Variants in ZNF579 observed in about 807,000 individuals in gnomAD.
ZNF579 encodes zinc finger protein 579.
A neutral mutation model predicts 5.7 loss-of-function variants in ZNF579; 3 were observed. That is an observed-to-expected ratio of 0.53 (90% CI 0.24 to 1.36). The LOEUF (loss-of-function observed/expected upper bound fraction) is 1.36, where lower values mean the gene tolerates loss of function less well. ZNF579 is among the 40% of genes most tolerant of loss of function. The pLI, the probability that ZNF579 is intolerant of heterozygous loss-of-function variation, is 0.16. For missense variants in ZNF579, 679 were observed against 877.6 expected (o/e 0.77, Z 2.86); for synonymous variants, 454 against 409.0 (o/e 1.11, Z -1.33).
At chr19:55,580,613 C>T (rs1334171982) in intron 1 of ZNF579, among the ~76,000 whole-genome samples, 182 bp downstream of exon 1, 1 of 150,064 alleles carries the variant, frequency 6.7e-6, no homozygotes, top group African/African-American at 2.5e-5. Flanking sequence ...GACCCCTGGA[C>T]TCGGGAGGGA....
chr19:55,577,709 C>T lies in ZNF579; in HGVS notation c.*242G>A, dbSNP rs1979423749. The T allele has an allele frequency of 1.4e-6, 1 of 705,816 alleles. No homozygotes were observed. The highest frequency in any genetic ancestry group is 2.2e-6 in the Non-Finnish European group (1 of 452,418). 43.7% of individuals were successfully genotyped at this position (705,816 alleles called of 1,614,324 possible). On this transcript the variant is annotated 3_prime_UTR_variant, in exon 2 of 2. Transcript: ENST00000325421. The stretch of plus-strand genomic sequence containing the variant: ...ATCCCTCTGGCCAACTGTCCGCCGC[C>T]TTTTTTTCCAAGTCGTCCTGCCTTA...
chr19:55,578,153 T>C lies in ZNF579; in HGVS notation c.1487A>G (p.Glu496Gly). Residue 496 changes from glutamate (E) to glycine (G), a missense_variant, in exon 2 of 2, where the codon GAG becomes GGG. Coordinates refer to ENST00000325421, the MANE Select transcript of ZNF579 (RefSeq NM_152600.3). ...GAGGGGCAGCGGGAGCCCTTCTTCC[T>C]CCTGCTCGGCCTTCAGGGGCGGCGG... is the stretch of plus-strand genomic sequence containing the variant. Reference protein sequence around the residue: ...PPPPPLKAEQEEEGLPLPLAN... With the variant: ...PPPPPLKAEQGEEGLPLPLAN... 3.9e-6 allele frequency: 6 copies of C among 1,523,124 alleles called. No homozygotes were observed. The highest frequency in any genetic ancestry group is 5.3e-6 in the Non-Finnish European group (6 of 1,134,298). 94.4% of individuals were successfully genotyped at this position (1,523,124 alleles called of 1,614,324 possible).
At position 55,579,574 on chromosome 19, in the gene ZNF579, A is replaced by G; in HGVS notation, c.66T>C (p.Arg22=). ...SPPHRGRGRG[R]GRGRGRGRGR... ...CACGGCCCCGACCACGGCCTCGGCC[A>G]CGGCCCCGGCCTCGGCCACGGTGAG... The change falls in exon 2 of 2, where the codon CGT becomes CGC. Residue 22 remains arginine, a synonymous_variant. Coordinates refer to ENST00000325421, the MANE Select transcript of ZNF579 (RefSeq NM_152600.3). 6.7e-7 allele frequency: 1 copy of G among 1,490,792 alleles called. No homozygotes were observed. Among genetic ancestry groups the G allele is most frequent in the South Asian group, 1.2e-5 (1 of 80,118 alleles). The allele number at this position is 1,490,792 out of a possible 1,614,324, so 92.3% of individuals were successfully genotyped here.
Position 55,578,485 on chromosome 19 carries a change from CCAGAA to C in ZNF579, c.1150_1154del (p.Phe384ValfsTer123). The C allele has an allele frequency of 7.0e-7, 1 of 1,432,536 alleles. No homozygotes were observed. The highest frequency in any genetic ancestry group is 9.1e-7 in the Non-Finnish European group (1 of 1,104,108). The allele number at this position is 1,432,536 out of a possible 1,614,324, so 88.7% of individuals were successfully genotyped here. A position where few individuals can be genotyped will look rare whatever the true frequency, so the allele number is the denominator to read the frequency against. The stretch of plus-strand genomic sequence containing the variant: ...TGAAACCTTTGCCGCACTCTGGGCA[CCAGAA>C]GCGGGGCTCCCCGGCGGGGGGCCGA... On this transcript the variant is annotated frameshift_variant, in exon 2 of 2. Transcript: ENST00000325421. LOFTEE classifies it low-confidence loss of function (END_TRUNC).
chr19:55,578,703 G>T lies in ZNF579; in HGVS notation c.937C>A (p.Leu313Ile). The change falls in exon 2 of 2, where the codon CTC becomes ATC. Residue 313 changes from leucine to isoleucine, a missense_variant. Leu to Ile is a conservative substitution (Grantham distance 5). Transcript: ENST00000325421. ...CGLAFRLASYLRQHRRVHGPL... is the reference protein window; with the variant it reads ...CGLAFRLASYIRQHRRVHGPL... ...CCGTGGACGCGGCGGTGCTGGCGGA[G>T]GTAGGAGGCGAGGCGGAAGGCCAGG... 1 of 1,582,412 alleles carries T rather than the reference G, an allele frequency of 6.3e-7. No individual in the cohort carries two copies. The highest frequency in any genetic ancestry group is 1.1e-5 in the South Asian group (1 of 87,724).
Position 55,579,033 on chromosome 19 carries a change from C to G in ZNF579, c.607G>C (p.Ala203Pro). 2.0e-6 allele frequency: 3 copies of G among 1,529,800 alleles called. No homozygotes were observed. Among genetic ancestry groups the G allele is most frequent in the Non-Finnish European group, 2.6e-6 (3 of 1,144,312 alleles). The allele number at this position is 1,529,800 out of a possible 1,614,324, so 94.8% of individuals were successfully genotyped here. A position where few individuals can be genotyped will look rare whatever the true frequency, so the allele number is the denominator to read the frequency against. Residue 203 changes from alanine to proline, a missense_variant, in exon 2 of 2, where the codon GCA (alanine) becomes CCA (proline). Around this residue, in one of 6 missense-constraint regions of ZNF579, gnomAD observed 209 missense variants for 223.4 expected, o/e 0.94. Coordinates refer to ENST00000325421, the MANE Select transcript of ZNF579 (RefSeq NM_152600.3). ...ESESEEAEAGAAELRAELALA... is the reference protein window; with the variant it reads ...ESESEEAEAGPAELRAELALA... ...GCCAGCTCGGCCCTCAGCTCTGCTG[C>G]CCCGGCCTCGGCCTCCTCCGACTCC...
Position 55,577,885 on chromosome 19 carries a change from AC to A in ZNF579, c.*65del. 1 of 1,537,570 alleles carries A rather than the reference AC, an allele frequency of 6.5e-7. No homozygotes were observed. The highest frequency in any genetic ancestry group is 1.2e-5 in the South Asian group (1 of 83,390). On this transcript the variant is annotated 3_prime_UTR_variant, in exon 2 of 2. Coordinates refer to ENST00000325421, the MANE Select transcript of ZNF579 (RefSeq NM_152600.3). Reference sequence around the variant, plus strand: ...GTAGACAGAGGAGGTGGCTCCTTCAACTTCCCTCCTCCATTCTGCAAACCGG... The same window carrying A: ...GTAGACAGAGGAGGTGGCTCCTTCAATTCCCTCCTCCATTCTGCAAACCGG...
At chr19:55,579,760 T>C in intron 1 of ZNF579, 119 bp from the exon 2 acceptor site, 1 of 1,141,816 alleles carries the variant, frequency 8.8e-7, no homozygotes, top group East Asian at 3.3e-5. Flanking sequence ...GTCAGGTATT[T>C]AGCCAGGAGA....
rs975556209 is a variant in ZNF579 at position 55,579,042 on chromosome 19, C to G, written c.598G>C (p.Glu200Gln). The change falls in exon 2 of 2, where the codon GAG becomes CAG. Residue 200 changes from glutamate to glutamine, a missense_variant. Physicochemically the swap from Glu to Gln is conservative, Grantham distance 29. Coordinates refer to ENST00000325421, the MANE Select transcript of ZNF579 (RefSeq NM_152600.3). Reference protein sequence around the residue: ...EPRESESEEAEAGAAELRAEL... With the variant: ...EPRESESEEAQAGAAELRAEL... ...GCCCTCAGCTCTGCTGCCCCGGCCT[C>G]GGCCTCCTCCGACTCCGACTCCCGG... 6.5e-7 allele frequency: 1 copy of G among 1,530,014 alleles called. No homozygotes were observed. The highest frequency in any genetic ancestry group is 1.4e-5 in the African/African-American group (1 of 71,828). The allele number at this position is 1,530,014 out of a possible 1,614,324, so 94.8% of individuals were successfully genotyped here.
At position 55,579,247 on chromosome 19, in the gene ZNF579, G is replaced by A; in HGVS notation, c.393C>T (p.Ala131=). The A allele has an allele frequency of 6.6e-7, 1 of 1,520,410 alleles. No homozygotes were observed. The highest frequency in any genetic ancestry group is 8.8e-7 in the Non-Finnish European group (1 of 1,139,474). 94.2% of individuals were successfully genotyped at this position (1,520,410 alleles called of 1,614,324 possible). A position where few individuals can be genotyped will look rare whatever the true frequency, so the allele number is the denominator to read the frequency against. The change falls in exon 2 of 2, where the codon GCC becomes GCT. Residue 131 remains alanine, a synonymous_variant. Transcript: ENST00000325421. ...QEHAGGEVEL[A]IERVAKETAE... ...CCGTCTCCTTGGCCACCCTCTCGAT[G>A]GCCAGCTCGACCTCGCCGCCCGCGT...
At position 55,578,095 on chromosome 19, in the gene ZNF579, C is replaced by T. The variant is rs1187150721; in HGVS notation, c.1545G>A (p.Gly515=). 1 of 1,567,392 alleles carries T rather than the reference C, an allele frequency of 6.4e-7. No individual in the cohort carries two copies. ...ANIKEEPPSP[G]TPPQSPPAPP... ...GAGCCGGCGGGGACTGGGGTGGGGT[C>T]CCCGGAGAGGGCGGCTCTTCCTTAA... Residue 515 remains glycine (G), a synonymous_variant, in exon 2 of 2, where the codon GGG becomes GGA. Coordinates refer to ENST00000325421, the MANE Select transcript of ZNF579 (RefSeq NM_152600.3).
Position 55,577,793 on chromosome 19 carries a change from TG to T in ZNF579, c.*157del, listed in dbSNP as rs1264155356. On this transcript the variant is annotated 3_prime_UTR_variant, in exon 2 of 2. Transcript: ENST00000325421. ...CATCAGGGGTTCTGGGGGCGGGCGATGGGGGAGGAAGGGGCAGTCCAGGGCC... is the reference window on the plus strand; with the variant it reads ...CATCAGGGGTTCTGGGGGCGGGCGATGGGGAGGAAGGGGCAGTCCAGGGCC... 5 of 1,333,726 alleles carry T rather than the reference TG, an allele frequency of 3.7e-6. No individual in the cohort carries two copies. The highest frequency in any genetic ancestry group is 4.9e-6 in the Non-Finnish European group (5 of 1,011,002). The allele number at this position is 1,333,726 out of a possible 1,614,324, so 82.6% of individuals were successfully genotyped here. A position where few individuals can be genotyped will look rare whatever the true frequency, so the allele number is the denominator to read the frequency against.
At position 55,579,550 on chromosome 19, in the gene ZNF579, A is replaced by C. The variant is rs1215600627; in HGVS notation, c.90T>G (p.Arg30=). 1 of 1,479,408 alleles carries C rather than the reference A, an allele frequency of 6.8e-7. No homozygotes were observed. Among genetic ancestry groups the C allele is most frequent in the Non-Finnish European group, 8.9e-7 (1 of 1,120,702 alleles). The allele number at this position is 1,479,408 out of a possible 1,614,324, so 91.6% of individuals were successfully genotyped here. The change falls in exon 2 of 2, where the codon CGT becomes CGG. Residue 30 remains arginine, a synonymous_variant. Transcript: ENST00000325421. ...CTCCAGCGCCCCCCCTGCCACGGCC[A>C]CGGCCCCGACCACGGCCTCGGCCAC... ...RGRGRGRGRG[R]GRGRGGAGAP...
At position 55,578,943 on chromosome 19, in the gene ZNF579, G is replaced by C. The variant is rs748318669; in HGVS notation, c.697C>G (p.Leu233Val). The part of the protein sequence containing the change: ...LLQADWTLLC[L>V]RCREAFATKG... ...GTGGCGAAGGCTTCGCGGCAGCGCA[G>C]ACACAGCAGCGTCCAGTCTGCCTGG... is the stretch of plus-strand genomic sequence containing the variant. Residue 233 changes from leucine to valine, a missense_variant, in exon 2 of 2, where the codon CTG (leucine) becomes GTG (valine). Transcript: ENST00000325421. The C allele has an allele frequency of 1.3e-6, 2 of 1,561,186 alleles. No individual in the cohort carries two copies. The highest frequency in any genetic ancestry group is 1.7e-6 in the Non-Finnish European group (2 of 1,156,720).
At position 55,578,678 on chromosome 19, in the gene ZNF579, C is replaced by G; in HGVS notation, c.962G>C (p.Gly321Ala). The change falls in exon 2 of 2, where the codon GGC becomes GCC. Residue 321 changes from glycine (G) to alanine (A), a missense_variant. This residue lies in a region of ZNF579 where 38 missense variants were observed against 70.3 expected (regional missense o/e 0.54). Transcript: ENST00000325421. Reference protein sequence around the residue: ...SYLRQHRRVHGPLSLLAPLPA... With the variant: ...SYLRQHRRVHAPLSLLAPLPA... Reference sequence around the variant, plus strand: ...CAGCGGGGCCAGCAGGCTGAGGGGGCCGTGGACGCGGCGGTGCTGGCGGAG... The same window carrying G: ...CAGCGGGGCCAGCAGGCTGAGGGGGGCGTGGACGCGGCGGTGCTGGCGGAG... 1 of 1,552,060 alleles carries G rather than the reference C, an allele frequency of 6.4e-7. No homozygotes were observed. Among genetic ancestry groups the G allele is most frequent in the Non-Finnish European group, 8.6e-7 (1 of 1,157,442 alleles).
In ZNF579 at chr19:55,578,994, G is replaced by T. The variant is rs761281747; in HGVS notation, c.646C>A (p.Arg216=). The T allele has an allele frequency of 3.6e-5, 55 of 1,532,666 alleles. No homozygotes were observed. The highest frequency in any genetic ancestry group is 4.5e-5 in the Non-Finnish European group (51 of 1,145,252). 94.9% of individuals were successfully genotyped at this position (1,532,666 alleles called of 1,614,324 possible). Residue 216 remains arginine (R), a synonymous_variant, in exon 2 of 2, where the codon CGG becomes AGG. Coordinates refer to ENST00000325421, the MANE Select transcript of ZNF579 (RefSeq NM_152600.3). Reference sequence around the variant, plus strand: ...AGCAGGACCTGTTTCTCCTCCTGCCGCCCGGCCGCCAGCGCCAGCTCGGCC... The same window carrying T: ...AGCAGGACCTGTTTCTCCTCCTGCCTCCCGGCCGCCAGCGCCAGCTCGGCC... ...LRAELALAAG[R]QEEKQVLLQA...
chr19:55,579,829 CAGG>C (rs1979588732), intron 1 of ZNF579, 188 bp from the exon 2 acceptor site: 1 of 550,110 alleles, frequency 1.8e-6, no homozygotes, highest in Non-Finnish European at 2.9e-6. Context: ...GATGGAGAGA[CAGG>C]AGGAGAGAGA....
rs1486367239 is a variant in ZNF579, at chr19:55,579,014, T to G, written c.626A>C (p.Glu209Ala). ...CTGCCGCCCGGCCGCCAGCGCCAGC[T>G]CGGCCCTCAGCTCTGCTGCCCCGGC... is the stretch of plus-strand genomic sequence containing the variant. ...AEAGAAELRA[E>A]LALAAGRQEE... is the part of the protein sequence containing the mutation. The change falls in exon 2 of 2, where the codon GAG (glutamate) becomes GCG (alanine). Residue 209 changes from glutamate (E) to alanine (A), a missense_variant. Physicochemically the swap from Glu to Ala is moderately radical, Grantham distance 107 (BLOSUM62 -1). Around this residue, in one of 6 missense-constraint regions of ZNF579, gnomAD observed 209 missense variants for 223.4 expected, o/e 0.94. Coordinates refer to ENST00000325421, the MANE Select transcript of ZNF579 (RefSeq NM_152600.3). 9.8e-6 allele frequency: 15 copies of G among 1,532,236 alleles called. No homozygotes were observed. The highest frequency in any genetic ancestry group is 1.3e-5 in the Non-Finnish European group (15 of 1,145,134). The allele number at this position is 1,532,236 out of a possible 1,614,324, so 94.9% of individuals were successfully genotyped here. A position where few individuals can be genotyped will look rare whatever the true frequency, so the allele number is the denominator to read the frequency against.
chr19:55,578,882 G>C lies in ZNF579; in HGVS notation c.758C>G (p.Pro253Arg), dbSNP rs371401638. 13 of 1,596,380 alleles carry C rather than the reference G, an allele frequency of 8.1e-6. No homozygotes were observed. The highest frequency in any genetic ancestry group is 1.3e-5 in the African/African-American group (1 of 74,258). ...GELKAHPCLRPEGEQEGEGGP... is the reference protein window; with the variant it reads ...GELKAHPCLRREGEQEGEGGP... ...CCCTTCCCCTTCCTGTTCGCCCTCG[G>C]GGCGCAGACACGGGTGCGCCTTGAG... Residue 253 changes from proline (P) to arginine (R), a missense_variant, in exon 2 of 2, where the codon CCC becomes CGC. By Grantham distance (103) the Pro-to-Arg change is moderately radical. This residue lies in a region of ZNF579 where 209 missense variants were observed against 223.4 expected (regional missense o/e 0.94). Transcript: ENST00000325421.
Sources: allele counts gnomAD v4.1 joint callset (sites outside exome capture counted in the v4.1 genomes callset), GRCh38; gene constraint gnomAD v4.1.1; regional missense constraint gnomAD v4.1.1; transcripts MANE v1.5; gene names NCBI Gene and HGNC (gene_info 2026-07-23, HGNC 2026-07-21).